B3GALT1: variants seen among roughly 807,000 people sequenced by gnomAD.
B3GALT1 encodes UDP-Gal:betaGlcNAc beta 1,3-galactosyltransferase, polypeptide 1.
B3GALT1 carries 10 observed loss-of-function variants against 23.2 expected under a neutral mutation model. The observed-to-expected ratio is 0.43, with a 90% CI of 0.27 to 0.73. The LOEUF is 0.73. Ranked by LOEUF, B3GALT1 falls within the 30% of genes least tolerant of loss-of-function variation. The pLI, the probability that B3GALT1 is intolerant of heterozygous loss-of-function variation, is 0.21. For synonymous variants in B3GALT1, 156 were observed against 141.5 expected, an observed-to-expected ratio of 1.10 and a Z score of -0.73; for missense variants, 299 against 405.4, an observed-to-expected ratio of 0.74 and a Z score of 2.25.
At chr2:167,471,877 A>G (rs563814562) in intron 1 of B3GALT1, among the ~76,000 whole-genome samples, 79 of 152,266 alleles carry the variant, frequency 5.2e-4, no homozygotes, top group African/African-American at 1.6e-3. Context: ...GGATAATACA[A>G]TGGCTCTCAG....
At chr2:167,412,032 T>A (rs758115712) in intron 1 of B3GALT1, among the ~76,000 whole-genome samples, 3 of 152,204 alleles carry the variant, frequency 2.0e-5, no homozygotes, top group Non-Finnish European at 4.4e-5. Context: ...GAATGGTGGT[T>A]ACCAGAGGTC....
intron 3 of B3GALT1, among the ~76,000 whole-genome samples, chr2:167,740,595 G>A (rs1687564273): frequency 6.6e-6 from 1 of 152,060 alleles, no homozygotes; most frequent in Admixed American, 6.6e-5. Context: ...GGCCCACATA[G>A]TAAATTATAA....
intron 1 of B3GALT1, among the ~76,000 whole-genome samples, chr2:167,469,327 GATT>G (rs2105329979): frequency 6.6e-6 from 1 of 152,246 alleles, no homozygotes; most frequent in South Asian, 2.1e-4. Flanking sequence ...TGCTTTATGG[GATT>G]ATTATGAGGA....
At chr2:167,673,387 A>C (rs1468971577) in intron 3 of B3GALT1, among the ~76,000 whole-genome samples, 1 of 152,160 alleles carries the variant, frequency 6.6e-6, no homozygotes, top group Non-Finnish European at 1.5e-5. Flanking sequence ...AAGATAGAAA[A>C]GGCAGAAAAT....
At position 167,869,025 on chromosome 2, in the gene B3GALT1, C is replaced by A; in HGVS notation, c.-15C>A. On this transcript the variant is annotated 5_prime_UTR_variant, in exon 5 of 5. Coordinates refer to ENST00000392690, the MANE Select transcript of B3GALT1 (RefSeq NM_020981.4). The surrounding 1 kb of genome is among the most constrained non-coding windows in gnomAD (Gnocchi z 6.4). The stretch of plus-strand genomic sequence containing the variant: ...CGTATTCTTCAATATTTGGAATAGA[C>A]GTGTTCTCAAGACAATGGCTTCAAA... The A allele has an allele frequency of 1.3e-6, 2 of 1,579,940 alleles. No individual in the cohort carries two copies. Among genetic ancestry groups the A allele is most frequent in the Non-Finnish European group, 1.7e-6 (2 of 1,163,524 alleles).
chr2:167,457,064 C>T (rs1699183650), intron 1 of B3GALT1, among the ~76,000 whole-genome samples: 2 of 152,138 alleles, frequency 1.3e-5, no homozygotes, highest in South Asian at 4.1e-4. Context: ...GCAAAAGACA[C>T]TATTATCACA....
Position 167,413,410 on chromosome 2 carries a change from A to G in B3GALT1, c.-510-76767A>G, listed in dbSNP as rs549616646. ...TAAGTTATATTTTCGAGGTTTTCTT[A>G]TATCACTGTATATTTTTTCTGCATG... On this transcript the variant is annotated intron_variant, in intron 1 of 4. Transcript: ENST00000392690. Among the ~76,000 whole-genome samples the G allele has an allele frequency of 3.9e-5, 6 of 152,166 alleles. No individual in the cohort carries two copies. In the South Asian group the frequency reaches 1.2e-3, roughly 32 times the overall value.
At chr2:167,334,150 A>G (rs1424635553) in intron 1 of B3GALT1, among the ~76,000 whole-genome samples, 1 of 152,164 alleles carries the variant, frequency 6.6e-6, no homozygotes, top group Non-Finnish European at 1.5e-5. Context: ...TCAACACATA[A>G]TTTAGTTAAT....
At chr2:167,677,925 G>A (rs1168754754) in intron 3 of B3GALT1, among the ~76,000 whole-genome samples, 2 of 152,158 alleles carry the variant, frequency 1.3e-5, no homozygotes, top group Non-Finnish European at 2.9e-5. Context: ...AAAACCGTCA[G>A]ATCTTGTGAG....
chr2:167,426,156 C>T (rs1474569456), intron 1 of B3GALT1, among the ~76,000 whole-genome samples: 1 of 152,050 alleles, frequency 6.6e-6, no homozygotes, highest in Non-Finnish European at 1.5e-5. Context: ...CAGGATGATA[C>T]ATTGGATTAT....
At chr2:167,429,034 C>A (rs946430404) in intron 1 of B3GALT1, among the ~76,000 whole-genome samples, 1 of 152,106 alleles carries the variant, frequency 6.6e-6, no homozygotes, top group African/African-American at 2.4e-5. Context: ...AATCCCAGCA[C>A]TTTGGGAGGC....
intron 4 of B3GALT1, among the ~76,000 whole-genome samples, chr2:167,837,978 T>C (rs1265607633): frequency 2.0e-5 from 3 of 151,330 alleles, no homozygotes; most frequent in East Asian, 3.9e-4. Flanking sequence ...TTGAAACCAA[T>C]GAGAACAAAG....
chr2:167,469,026 A>G (rs1699386412), intron 1 of B3GALT1, among the ~76,000 whole-genome samples: 1 of 152,224 alleles, frequency 6.6e-6, no homozygotes, highest in South Asian at 2.1e-4. Context: ...GGGATTAGAA[A>G]AATAACATGG....
chr2:167,865,717 G>A (rs1327926477), intron 4 of B3GALT1, among the ~76,000 whole-genome samples: 6 of 152,232 alleles, frequency 3.9e-5, no homozygotes, highest in South Asian at 2.1e-4. Flanking sequence ...GCGTGAACCC[G>A]GGAGGCGGAG....
At chr2:167,499,680 C>T (rs548479084) in intron 2 of B3GALT1, among the ~76,000 whole-genome samples, 3 of 152,112 alleles carry the variant, frequency 2.0e-5, no homozygotes, top group South Asian at 4.2e-4. Context: ...GATTTTTCCC[C>T]CTTCCACCGT....
intron 1 of B3GALT1, among the ~76,000 whole-genome samples, chr2:167,312,000 A>C (rs1251776608): frequency 1.3e-5 from 2 of 151,994 alleles, no homozygotes; most frequent in Admixed American, 1.3e-4. Context: ...AGTAAACCAC[A>C]CTTAGGTACA....
Position 167,579,617 on chromosome 2 carries a change from A to G in B3GALT1, c.-409-67292A>G, listed in dbSNP as rs1192718413. Among the ~76,000 whole-genome samples the G allele has an allele frequency of 2.6e-5, 4 of 151,936 alleles. No individual in the cohort carries two copies. The East Asian group carries it at 7.7e-4, about 29-fold the overall frequency. On this transcript the variant is annotated intron_variant, in intron 2 of 4. Transcript: ENST00000392690. ...TCCTCAAAAGTAGGAAACATTGTAC[A>G]CAGGCTACTCTAAAGAGCCATTTGA...
chr2:167,400,520 A>G (rs1698171554), intron 1 of B3GALT1, among the ~76,000 whole-genome samples: 1 of 152,014 alleles, frequency 6.6e-6, no homozygotes, highest in Non-Finnish European at 1.5e-5. Flanking sequence ...TGCCAGCTGA[A>G]TCTCTGTTAG....
chr2:167,673,048 C>G (rs550664804), intron 3 of B3GALT1, among the ~76,000 whole-genome samples: 1 of 151,374 alleles, frequency 6.6e-6, no homozygotes, highest in South Asian at 2.1e-4. Flanking sequence ...AAAAAGCCCT[C>G]AAAAAGTAGA....
Sources: allele counts gnomAD v4.1 joint callset (sites outside exome capture counted in the v4.1 genomes callset), GRCh38; gene constraint gnomAD v4.1.1; non-coding constraint Gnocchi (gnomAD v3.1); transcripts MANE v1.5; gene names NCBI Gene and HGNC (gene_info 2026-07-23, HGNC 2026-07-21).